The following OR51B5 variants were observed in gnomAD, a reference collection of about 807,000 sequenced individuals.
OR51B5 encodes olfactory receptor family 51 subfamily B member 5, also known as olfactory receptor 51B5.
For missense variants in OR51B5, 456 were observed against 374.6 expected, an observed-to-expected ratio of 1.22 and a Z score of -1.79; for synonymous variants, 186 against 144.8, an observed-to-expected ratio of 1.28 and a Z score of -2.04.
chr11:5,434,521 T>C, intron 1 of OR51B5, among the ~76,000 whole-genome samples: 1 of 152,130 alleles, frequency 6.6e-6, no homozygotes, highest in East Asian at 1.9e-4. Flanking sequence ...CAGGACTCTT[T>C]TGAATCTGTC....
intron 1 of OR51B5, chr11:5,403,031 T>C (rs756604118): frequency 1.9e-5 from 9 of 471,510 alleles, no homozygotes; most frequent in Non-Finnish European, 3.1e-5. Context: ...CCCAGGGTCT[T>C]TGGCACAGGA....
chr11:5,453,359 G>C lies in OR51B5; in HGVS notation n.84+52210C>G, dbSNP rs1850886400. 1.0e-5 allele frequency: 6 copies of C among 579,034 alleles called. No homozygotes were observed. In the East Asian group the frequency reaches 1.5e-4, roughly 15 times the overall value. The allele number at this position is 579,034 out of a possible 1,614,324, so 35.9% of individuals were successfully genotyped here. ...AAGCAGTGATTTCATGAATGCGTCA[G>C]TTTCCATTTATGTCAACATCATCGC... On this transcript the variant is annotated intron_variant and non_coding_transcript_variant, in intron 1 of 4. Transcript: ENST00000415970.
chr11:5,462,430 C>A (rs762135850), intron 1 of OR51B5, among the ~76,000 whole-genome samples: 2 of 152,178 alleles, frequency 1.3e-5, no homozygotes, highest in Admixed American at 6.5e-5. Flanking sequence ...GGATGGCTGA[C>A]CATCAGCCTC....
intron 1 of OR51B5, chr11:5,383,697 G>A (rs949287587): frequency 2.0e-5 from 3 of 152,162 alleles, no homozygotes; most frequent in African/African-American, 7.2e-5. Context: ...GACAGGGGTG[G>A]AGATAAAGAA....
chr11:5,382,705 A>G (rs1027639746), intron 1 of OR51B5, among the ~76,000 whole-genome samples: 2 of 152,160 alleles, frequency 1.3e-5, no homozygotes, highest in Admixed American at 1.3e-4. Flanking sequence ...ACTACAATTT[A>G]ATAAGACATC....
At chr11:5,488,802 C>G in intron 1 of OR51B5, 2 of 1,614,020 alleles carry the variant, frequency 1.2e-6, no homozygotes, top group Non-Finnish European at 1.7e-6. Context: ...GGATTGCCAT[C>G]CCTTTCTGTG....
intron 1 of OR51B5, among the ~76,000 whole-genome samples, chr11:5,375,708 CAAAG>C (rs1415979277): frequency 2.0e-5 from 3 of 151,912 alleles, no homozygotes; most frequent in South Asian, 2.1e-4. Flanking sequence ...TCAAAAGAGA[CAAAG>C]AAGGCCATTA....
chr11:5,412,101 C>A (rs927493115), intron 1 of OR51B5, among the ~76,000 whole-genome samples: 1 of 152,184 alleles, frequency 6.6e-6, no homozygotes, highest in Admixed American at 6.5e-5. Context: ...ACAGCACAGA[C>A]CTTTCTCTCC....
At chr11:5,372,403 T>C (rs900209277) in intron 1 of OR51B5, among the ~76,000 whole-genome samples, 6 of 152,324 alleles carry the variant, frequency 3.9e-5, no homozygotes, top group Middle Eastern at 3.4e-3. Flanking sequence ...ACAAGAGTTC[T>C]CCTTTCTCCA....
rs1352293686 is a variant in OR51B5, at chr11:5,505,553, G to T, written n.84+16C>A. On this transcript the variant is annotated intron_variant and non_coding_transcript_variant, in intron 1 of 4. Coordinates refer to the OR51B5 transcript ENST00000415970. ...GACTGGGCAATTTATAAAAGAAAGA[G>T]GTTTACCGGACTTACAGTTCCACAT... 2.7e-6 allele frequency: 3 copies of T among 1,107,954 alleles called. No homozygotes were observed. In the East Asian group the frequency reaches 1.8e-4, roughly 68 times the overall value. 68.6% of individuals were successfully genotyped at this position (1,107,954 alleles called of 1,614,324 possible).
At chr11:5,358,929 G>A (rs930061945) in intron 1 of OR51B5, among the ~76,000 whole-genome samples, 26 of 151,718 alleles carry the variant, frequency 1.7e-4, no homozygotes, top group African/African-American at 6.0e-4. Context: ...AAAGGCCTTT[G>A]ACAAAATTCA....
intron 1 of OR51B5, among the ~76,000 whole-genome samples, chr11:5,425,757 T>C (rs1156368219): frequency 6.6e-6 from 1 of 152,194 alleles, no homozygotes; most frequent in Non-Finnish European, 1.5e-5. Context: ...ATTGACCCTC[T>C]GTAAATTATT....
intron 1 of OR51B5, among the ~76,000 whole-genome samples, chr11:5,373,550 G>C (rs540886899): frequency 6.6e-6 from 1 of 152,268 alleles, no homozygotes; most frequent in South Asian, 2.1e-4. Context: ...GGAAGCACAA[G>C]GGGTCATGGA....
intron 1 of OR51B5, chr11:5,403,473 G>A (rs1277949828): frequency 2.1e-6 from 1 of 471,572 alleles, no homozygotes; most frequent in East Asian, 7.0e-5. Flanking sequence ...CAATCCTATT[G>A]TCTACAGCAT....
Position 5,441,118 on chromosome 11 carries a change from G to A in OR51B5, n.84+64451C>T, listed in dbSNP as rs568302511. On this transcript the variant is annotated intron_variant and non_coding_transcript_variant, in intron 1 of 4. Transcript: ENST00000415970. ...TTGTGAGTGAGCACAGTGACATAGCGTAATGGATAACAAATAGCCACAAAG... is the reference window on the plus strand; with the variant it reads ...TTGTGAGTGAGCACAGTGACATAGCATAATGGATAACAAATAGCCACAAAG... The A allele has an allele frequency of 2.7e-5, 43 of 1,613,962 alleles. No individual in the cohort carries two copies. The East Asian group carries it at 3.6e-4, about 13-fold the overall frequency.
At chr11:5,413,376 C>G (rs973497340) in intron 1 of OR51B5, among the ~76,000 whole-genome samples, 14 of 152,266 alleles carry the variant, frequency 9.2e-5, no homozygotes, top group Admixed American at 3.9e-4. Context: ...AAAAGCAGAG[C>G]ACCTCTCCTC....
chr11:5,375,854 T>C (rs11602329), intron 1 of OR51B5, among the ~76,000 whole-genome samples: 16,840 of 152,086 alleles, frequency 0.11, 1,058 homozygotes, highest in South Asian at 0.15. Context: ...TCCCACACTT[T>C]AATAATGGGA....
chr11:5,426,119 C>G (rs1589990664), intron 1 of OR51B5, among the ~76,000 whole-genome samples: 2 of 152,226 alleles, frequency 1.3e-5, no homozygotes, highest in East Asian at 3.9e-4. Flanking sequence ...TCTTAAAAGG[C>G]TAACAAAATA....
chr11:5,451,108 A>C (rs1480288215), intron 1 of OR51B5, among the ~76,000 whole-genome samples: 1 of 152,234 alleles, frequency 6.6e-6, no homozygotes, highest in African/African-American at 2.4e-5. Context: ...CTGACATATC[A>C]CATGCGTTCA....
Sources: gnomAD v4.1 joint callset for allele counts (sites outside exome capture counted in the v4.1 genomes callset) on GRCh38, gnomAD v4.1.1 for gene constraint, MANE v1.5 for transcripts, NCBI Gene and HGNC (gene_info 2026-07-23, HGNC 2026-07-21) for gene names.